HEG1: variants seen among roughly 807,000 people sequenced by gnomAD.
HEG1 encodes protein HEG homolog 1.
HEG1 carries 56 observed loss-of-function variants against 125.6 expected under a neutral mutation model. The observed-to-expected ratio is 0.45, with a 90% CI of 0.36 to 0.56. HEG1 has a LOEUF of 0.56. Ranked by LOEUF, HEG1 falls within the 20% of genes least tolerant of loss-of-function variation. The pLI is 0.00. For missense variants in HEG1, 1,523 were observed against 1,670.0 expected (o/e 0.91, Z 1.53); for synonymous variants, 644 against 668.5 (o/e 0.96, Z 0.57).
intron 14 of HEG1, among the ~76,000 whole-genome samples, chr3:124,982,518 T>G (rs1355251915): frequency 6.6e-6 from 1 of 152,254 alleles, no homozygotes; most frequent in Non-Finnish European, 1.5e-5. Flanking sequence ...TACTTTCTTC[T>G]TGGCATTTGT....
In HEG1 at chr3:124,970,664, T is replaced by A. The variant is rs745787138; in HGVS notation, c.4134A>T (p.Arg1378Ser). Residue 1378 changes from arginine (R) to serine (S), a missense_variant, in exon 17 of 17, where the codon AGA becomes AGT. Physicochemically the swap from Arg to Ser is moderately radical, Grantham distance 110 (BLOSUM62 -1). Transcript: ENST00000311127. ...CTCTCTCCTGGACTTAAAAGTAGTC[T>A]CTTCTTCTGCTTTCATCACTGATGA... is the stretch of plus-strand genomic sequence containing the variant. ...PSFISDESRR[R>S]DYF 1 of 1,601,394 alleles carries A rather than the reference T, an allele frequency of 6.2e-7. No individual in the cohort carries two copies. The highest frequency in any genetic ancestry group is 8.5e-7 in the Non-Finnish European group (1 of 1,173,890).
At chr3:124,975,412 T>C (rs1019532432) in intron 15 of HEG1, among the ~76,000 whole-genome samples, 4 of 152,214 alleles carry the variant, frequency 2.6e-5, no homozygotes, top group South Asian at 4.1e-4. Flanking sequence ...CCTTTTCCAA[T>C]AGAAACCCAA....
chr3:125,011,788 T>C lies in HEG1; in HGVS notation c.2956+835A>G, dbSNP rs185057604. ...CCTAAGACGCCAGTTTCCATTTCAC[T>C]CCTCCAACAGCAGTTTTCCTTTCCC... is the stretch of plus-strand genomic sequence containing the variant. On this transcript the variant is annotated intron_variant, in intron 6 of 16. Coordinates refer to ENST00000311127, the MANE Select transcript of HEG1 (RefSeq NM_020733.2). Among the ~76,000 whole-genome samples, 9 of 152,294 alleles carry C rather than the reference T, an allele frequency of 5.9e-5. No individual in the cohort carries two copies. The East Asian group carries it at 1.5e-3, about 26-fold the overall frequency.
intron 1 of HEG1, among the ~76,000 whole-genome samples, chr3:125,053,471 T>C (rs563968624): frequency 6.6e-6 from 1 of 152,210 alleles, no homozygotes; most frequent in South Asian, 2.1e-4. Context: ...CTTCAACAGG[T>C]GTTCATTTCA....
chr3:125,052,592 C>T (rs1488020524), intron 1 of HEG1, among the ~76,000 whole-genome samples: 4 of 152,168 alleles, frequency 2.6e-5, no homozygotes, highest in African/African-American at 9.7e-5. Context: ...GCATATGGAT[C>T]ACAAAATTAA....
chr3:124,999,382 T>A (rs890059378), intron 11 of HEG1, among the ~76,000 whole-genome samples: 6 of 152,170 alleles, frequency 3.9e-5, no homozygotes, highest in African/African-American at 1.2e-4. Flanking sequence ...CAATCCCTCA[T>A]CTCAACTCTT....
In HEG1 at chr3:124,972,345, T is replaced by C. The variant is rs537853220; in HGVS notation, c.3996+1386A>G. ...TTCAGTTAGTAAAGGAAAAGGACTTTCCTGATAAACAGAGAAACAAAGCCC... is the reference window on the plus strand; with the variant it reads ...TTCAGTTAGTAAAGGAAAAGGACTTCCCTGATAAACAGAGAAACAAAGCCC... On this transcript the variant is annotated intron_variant, in intron 16 of 16. Transcript: ENST00000311127. Among the ~76,000 whole-genome samples, 9 of 152,334 alleles carry C rather than the reference T, an allele frequency of 5.9e-5. No individual in the cohort carries two copies. The South Asian group carries it at 1.9e-3, about 32-fold the overall frequency.
chr3:125,013,879 G>T lies in HEG1; in HGVS notation c.1700C>A (p.Ala567Glu). The T allele has an allele frequency of 6.2e-7, 1 of 1,613,848 alleles. No individual in the cohort carries two copies. The change falls in exon 6 of 17, where the codon GCG (alanine) becomes GAG (glutamate). Residue 567 changes from alanine to glutamate, a missense_variant. By Grantham distance (107) the Ala-to-Glu change is moderately radical. Transcript: ENST00000311127. ...LSSTFTKGER[A>E]LLSITDNSSS... ...ACTGTTATCTGTAATGGACAGTAAC[G>T]CCCGTTCTCCTTTGGTGAAAGTAGA...
intron 14 of HEG1, among the ~76,000 whole-genome samples, chr3:124,981,007 A>C (rs1936640073): frequency 2.0e-5 from 3 of 149,658 alleles, no homozygotes; most frequent in African/African-American, 7.4e-5. Flanking sequence ...GGCGCAACTA[A>C]GTTTTGGTTT....
At chr3:124,977,271 A>G (rs1207812412) in intron 15 of HEG1, among the ~76,000 whole-genome samples, 1 of 152,220 alleles carries the variant, frequency 6.6e-6, no homozygotes, top group Non-Finnish European at 1.5e-5. Context: ...AGTCTTGGGC[A>G]TGTCTTTATC....
intron 1 of HEG1, among the ~76,000 whole-genome samples, chr3:125,042,359 C>T (rs146525739): frequency 8.0e-4 from 121 of 152,064 alleles, no homozygotes; most frequent in African/African-American, 2.5e-3. Context: ...ACCTGGGAGG[C>T]GGAGGTTTCA....
At chr3:124,970,857 G>T in intron 16 of HEG1, 56 bp from the exon 17 acceptor site, 9 of 1,447,298 alleles carry the variant, frequency 6.2e-6, no homozygotes, top group Non-Finnish European at 7.6e-6. Flanking sequence ...GGTTTAAATT[G>T]CAGTGTTAAA....
intron 1 of HEG1, among the ~76,000 whole-genome samples, chr3:125,043,889 G>A (rs1439920247): frequency 2.0e-5 from 3 of 152,136 alleles, no homozygotes; most frequent in Non-Finnish European, 4.4e-5. Flanking sequence ...AGAGGCGGGT[G>A]CAGGAGGGGC....
chr3:124,977,419 T>C (rs942587005), intron 15 of HEG1, among the ~76,000 whole-genome samples: 2 of 152,222 alleles, frequency 1.3e-5, no homozygotes, highest in African/African-American at 4.8e-5. Context: ...TGTCCAGTTT[T>C]AAAATTAGGT....
Position 125,029,437 on chromosome 3 carries a change from T to C in HEG1, c.368A>G (p.Asn123Ser), listed in dbSNP as rs1278812227. The change falls in exon 2 of 17, where the codon AAC becomes AGC. Residue 123 changes from asparagine to serine, a missense_variant. By Grantham distance (46) the Asn-to-Ser change is conservative. Coordinates refer to ENST00000311127, the MANE Select transcript of HEG1 (RefSeq NM_020733.2). ...PESNTEAHVE[N>S]ITFYQNQEDF... ...CTCTTGATTCTGATAGAAGGTGATG[T>C]TTTCTACATGGGCCTCAGTGTTACT... is the stretch of plus-strand genomic sequence containing the variant. 1.2e-6 allele frequency: 2 copies of C among 1,604,216 alleles called. No individual in the cohort carries two copies. The highest frequency in any genetic ancestry group is 1.1e-5 in the South Asian group (1 of 91,082).
Position 124,968,664 on chromosome 3 carries a change from A to G in HEG1, c.*1988T>C, listed in dbSNP as rs1936364510. The G allele has an allele frequency of 6.6e-6, 1 of 152,082 alleles. No individual in the cohort carries two copies. Among genetic ancestry groups the G allele is most frequent in the African/African-American group, 2.4e-5 (1 of 41,402 alleles). The allele number at this position is 152,082 out of a possible 1,614,324, so 9.4% of individuals were successfully genotyped here. A position where few individuals can be genotyped will look rare whatever the true frequency, so the allele number is the denominator to read the frequency against. On this transcript the variant is annotated 3_prime_UTR_variant, in exon 17 of 17. Coordinates refer to ENST00000311127, the MANE Select transcript of HEG1 (RefSeq NM_020733.2). ...GTATGCCTGGGAATAGCCTCCCTACATGGCTCTTCCCACAGCTGCGGGTTC... is the reference window on the plus strand; with the variant it reads ...GTATGCCTGGGAATAGCCTCCCTACGTGGCTCTTCCCACAGCTGCGGGTTC...
intron 4 of HEG1, 140 bp downstream of exon 4, chr3:125,020,652 G>A: frequency 1.5e-6 from 1 of 660,468 alleles, no homozygotes; most frequent in Non-Finnish European, 2.6e-6. Flanking sequence ...GTTCTCATAA[G>A]AGTGACCATC....
rs1937391063 is a variant in HEG1 at position 125,024,785 on chromosome 3, C to T, written c.913+2420G>A. Among the ~76,000 whole-genome samples the T allele has an allele frequency of 2.0e-5, 3 of 152,206 alleles. No homozygotes were observed. In the South Asian group the frequency reaches 6.2e-4, roughly 31 times the overall value. On this transcript the variant is annotated intron_variant, in intron 3 of 16. Transcript: ENST00000311127. The stretch of plus-strand genomic sequence containing the variant: ...AGGCACAGAATACAAAGGCTGAATA[C>T]ACGTGGAATCATAGATGCTGAAACT...
intron 1 of HEG1, among the ~76,000 whole-genome samples, chr3:125,050,442 C>G (rs574537235): frequency 6.6e-6 from 1 of 152,206 alleles, no homozygotes; most frequent in Admixed American, 6.5e-5. Context: ...TCATGCCCAG[C>G]CCATCCTCCA....
Sources: allele counts gnomAD v4.1 joint callset (sites outside exome capture counted in the v4.1 genomes callset), GRCh38; gene constraint gnomAD v4.1.1; transcripts MANE v1.5; gene names NCBI Gene and HGNC (gene_info 2026-07-23, HGNC 2026-07-21).